Variants in DMD observed in about 807,000 individuals in gnomAD.
The protein encoded by DMD is dystrophin.
In DMD, 63 loss-of-function variants were observed where a neutral mutation model predicts 330.1. The observed-to-expected ratio is 0.19, with a 90% CI of 0.16 to 0.24. DMD has a LOEUF of 0.24. Ranked by LOEUF, DMD falls within the 10% of genes least tolerant of loss-of-function variation. DMD has a pLI of 1.00. For missense variants in DMD, 3,344 were observed against 2,684.1 expected (o/e 1.25, Z -5.43); for synonymous variants, 1,223 against 959.8 (o/e 1.27, Z -5.07).
chrX:31,192,547 G>C (rs1292308167), intron 67 of DMD, among the ~76,000 whole-genome samples: 2 of 111,812 alleles, frequency 1.8e-5, no homozygotes, highest in South Asian at 3.8e-4. Context: ...CGGAAGATCA[G>C]GTAAGACTTT....
At chrX:31,497,096 CAG>C (rs965946227) in intron 56 of DMD, 152 bp from the exon 57 acceptor site, 2 of 692,393 alleles carry the variant, frequency 2.9e-6, no homozygotes, top group African/African-American at 4.3e-5. Context: ...AGCCACAAAA[CAG>C]AGGATAGTTT....
chrX:31,329,107 G>A (rs1180580475), intron 61 of DMD, among the ~76,000 whole-genome samples: 2 of 112,382 alleles, frequency 1.8e-5, no homozygotes, highest in African/African-American at 6.5e-5. Flanking sequence ...ATTTTATGCA[G>A]TGAAAATCAG....
At chrX:32,900,772 C>T (rs1206816466) in intron 2 of DMD, among the ~76,000 whole-genome samples, 1 of 111,505 alleles carries the variant, frequency 9.0e-6, no homozygotes, top group African/African-American at 3.3e-5. Flanking sequence ...GTTGATATTT[C>T]CTTTAAATGA....
chrX:31,891,082 T>C (rs1365060928), intron 47 of DMD, among the ~76,000 whole-genome samples: 2 of 111,651 alleles, frequency 1.8e-5, no homozygotes, highest in Non-Finnish European at 3.8e-5. Flanking sequence ...CCTGGAACTT[T>C]TAACCTTACC....
intron 54 of DMD, among the ~76,000 whole-genome samples, chrX:31,629,198 G>A (rs1310957993): frequency 9.0e-6 from 1 of 111,649 alleles, no homozygotes; most frequent in African/African-American, 3.2e-5. Flanking sequence ...GATACACATT[G>A]CTTGTTAAGA....
At chrX:33,339,145 T>G in intron 1 of DMD, 4 of 839,405 alleles carry the variant, frequency 4.8e-6, no homozygotes, top group Non-Finnish European at 6.5e-6. Context: ...TTGCAGAGTT[T>G]GAAGAGCTCG....
At chrX:33,020,494 C>A (rs1039459365) in intron 1 of DMD, among the ~76,000 whole-genome samples, 1 of 111,288 alleles carries the variant, frequency 9.0e-6, no homozygotes, top group African/African-American at 3.3e-5. Flanking sequence ...GCCAACATGG[C>A]GAAACCCCAT....
At chrX:31,609,875 C>T (rs1017692681) in intron 55 of DMD, among the ~76,000 whole-genome samples, 19 of 111,704 alleles carry the variant, frequency 1.7e-4, no homozygotes, top group African/African-American at 6.2e-4. Flanking sequence ...TCTGGTGTCA[C>T]ATTTGGTGAA....
chrX:32,431,915 C>G (rs1041037953), intron 29 of DMD, among the ~76,000 whole-genome samples: 1 of 110,841 alleles, frequency 9.0e-6, no homozygotes, highest in African/African-American at 3.3e-5. Context: ...TCAAGTTCCC[C>G]TGAGTTTAAT....
At position 31,479,087 on chromosome X, in the gene DMD, A is replaced by G. The variant is rs765753641; in HGVS notation, c.8564T>C (p.Leu2855Ser). 8.3e-7 allele frequency: 1 copy of G among 1,205,364 alleles called. No individual in the cohort carries two copies. The highest frequency in any genetic ancestry group is 1.8e-5 in the African/African-American group (1 of 57,012). ...CATGATTACAGGTTCTTTAGTTTTC[A>G]ATTCCCTCTTGAAGGCCTGTGAAAT... Reference protein sequence around the residue: ...NDVHRAFKRELKTKEPVIMST... With the variant: ...NDVHRAFKRESKTKEPVIMST... The change falls in exon 58 of 79, where the codon TTG becomes TCG. Residue 2855 changes from leucine to serine, a missense_variant. Coordinates refer to ENST00000357033, the MANE Select transcript of DMD (RefSeq NM_004006.3).
At chrX:31,469,017 C>G (rs1470112799) in intron 59 of DMD, among the ~76,000 whole-genome samples, 1 of 110,432 alleles carries the variant, frequency 9.1e-6, no homozygotes, top group Non-Finnish European at 1.9e-5. Context: ...CCATTTGCTG[C>G]TTGGTAAATA....
At chrX:31,758,673 G>T (rs1049283402) in intron 51 of DMD, among the ~76,000 whole-genome samples, 16 of 111,199 alleles carry the variant, frequency 1.4e-4, no homozygotes, top group East Asian at 1.1e-3. Context: ...TGATTAATTG[G>T]TTTTTTCAAG....
At chrX:31,729,852 T>C in intron 51 of DMD, 104 bp from the exon 52 acceptor site, 1 of 664,266 alleles carries the variant, frequency 1.5e-6, no homozygotes, top group East Asian at 3.2e-5. Flanking sequence ...AAAACACTTT[T>C]AGAAATAAAA....
At chrX:32,743,077 A>C (rs1299762978) in intron 7 of DMD, among the ~76,000 whole-genome samples, 2 of 111,344 alleles carry the variant, frequency 1.8e-5, no homozygotes, top group Non-Finnish European at 1.9e-5. Flanking sequence ...CAGCTCCTGC[A>C]TCTCTTTGCC....
At position 32,545,251 on chromosome X, in the gene DMD, T is replaced by G; in HGVS notation, c.2076A>C (p.Glu692Asp). 1 of 1,210,536 alleles carries G rather than the reference T, an allele frequency of 8.3e-7. No homozygotes were observed. Among genetic ancestry groups the G allele is most frequent in the Non-Finnish European group, 1.1e-6 (1 of 894,363 alleles). Residue 692 changes from glutamate (E) to aspartate (D), a missense_variant, in exon 17 of 79, where the codon GAA becomes GAC. Physicochemically the swap from Glu to Asp is conservative, Grantham distance 45. Coordinates refer to ENST00000357033, the MANE Select transcript of DMD (RefSeq NM_004006.3). ...CTTGAGCATGCTTTACCAGGATCTG[T>G]TCCCTTGTGGTCACCGTAGTTACTG... ...METVTTVTTR[E>D]QILVKHAQEE...
intron 9 of DMD, among the ~76,000 whole-genome samples, chrX:32,670,507 G>C (rs1198464026): frequency 9.0e-6 from 1 of 111,526 alleles, no homozygotes; most frequent in African/African-American, 3.3e-5. Context: ...TGTATAGTGG[G>C]AAGCTTGATT....
intron 55 of DMD, among the ~76,000 whole-genome samples, chrX:31,617,908 A>T (rs1440267607): frequency 2.7e-5 from 3 of 111,948 alleles, no homozygotes; most frequent in Non-Finnish European, 5.6e-5. Flanking sequence ...AAAGAATGAG[A>T]TTATGTTCTT....
At chrX:32,723,533 G>T (rs997240449) in intron 7 of DMD, among the ~76,000 whole-genome samples, 2 of 111,441 alleles carry the variant, frequency 1.8e-5, no homozygotes, top group African/African-American at 6.5e-5. Context: ...ATGAGGAGAA[G>T]TAGGTCAAAG....
intron 13 of DMD, among the ~76,000 whole-genome samples, chrX:32,579,082 A>C (rs2053373111): frequency 9.0e-6 from 1 of 111,582 alleles, no homozygotes; most frequent in Non-Finnish European, 1.9e-5. Flanking sequence ...TGAGGCAGAA[A>C]TGTGGCAGAG....
Sources: allele counts gnomAD v4.1 joint callset (sites outside exome capture counted in the v4.1 genomes callset), GRCh38; gene constraint gnomAD v4.1.1; transcripts MANE v1.5; gene names NCBI Gene and HGNC (gene_info 2026-07-23, HGNC 2026-07-21).